Variants in ATG3 observed in about 807,000 individuals in gnomAD.
ATG3 encodes the protein ubiquitin-like-conjugating enzyme ATG3.
ATG3 carries 25 observed loss-of-function variants against 50.7 expected under a neutral mutation model. The ratio of observed to expected loss-of-function variants is 0.49; its 90% CI spans 0.36 to 0.69. ATG3 has a LOEUF of 0.69. Ranked by LOEUF, ATG3 falls within the 30% of genes least tolerant of loss-of-function variation. The pLI is 0.00. For synonymous variants in ATG3, 119 were observed against 125.5 expected (o/e 0.95, Z 0.34); for missense variants, 281 against 376.0 (o/e 0.75, Z 2.09).
intron 2 of ATG3, among the ~76,000 whole-genome samples, chr3:112,554,242 G>A (rs1411558163): frequency 6.6e-6 from 1 of 152,144 alleles, no homozygotes; most frequent in Non-Finnish European, 1.5e-5. Flanking sequence ...TATACCCTGT[G>A]ACCTGCACGT....
Position 112,536,472 on chromosome 3 carries a change from G to A in ATG3, c.794+3C>T. The A allele has an allele frequency of 6.2e-7, 1 of 1,611,048 alleles. No homozygotes were observed. Among genetic ancestry groups the A allele is most frequent in the Non-Finnish European group, 8.5e-7 (1 of 1,177,210 alleles). On this transcript the variant is annotated splice_donor_region_variant and intron_variant, in intron 10 of 11. Transcript: ENST00000283290. ...AAATATATTTATCTCTACATATACA[G>A]ACCTGCATGGGTGAACTGAACACAT...
intron 2 of ATG3, among the ~76,000 whole-genome samples, chr3:112,555,252 G>A (rs1933636503): frequency 6.6e-6 from 1 of 152,134 alleles, no homozygotes; most frequent in African/African-American, 2.4e-5. Context: ...TAATACATGT[G>A]TACATCTGCC....
In ATG3 at chr3:112,537,825, A is replaced by G. The variant is rs1010447975; in HGVS notation, c.576T>C (p.Asp192=). 1 of 1,612,760 alleles carries G rather than the reference A, an allele frequency of 6.2e-7. No individual in the cohort carries two copies. Among genetic ancestry groups the G allele is most frequent in the Non-Finnish European group, 8.5e-7 (1 of 1,179,596 alleles). The change falls in exon 9 of 12, where the codon GAT becomes GAC. Residue 192 remains aspartate (D), a synonymous_variant. Coordinates refer to ENST00000283290, the MANE Select transcript of ATG3 (RefSeq NM_022488.5). The stretch of plus-strand genomic sequence containing the variant: ...CATAAGTTCTGGTTTGCAAAATAGC[A>G]TCTTCACCGCCAGCATCAGTTTTGG... The part of the protein sequence containing the change: ...CKAKTDAGGE[D]AILQTRTYDL...
intron 4 of ATG3, among the ~76,000 whole-genome samples, chr3:112,549,070 A>G (rs768371290): frequency 6.6e-6 from 1 of 152,246 alleles, no homozygotes; most frequent in Non-Finnish European, 1.5e-5. Flanking sequence ...TTCAAGGCTA[A>G]AGTAACTTTC....
chr3:112,548,463 A>G (rs1480945060), intron 5 of ATG3, 70 bp downstream of exon 5: 1 of 1,291,202 alleles, frequency 7.7e-7, no homozygotes, highest in Non-Finnish European at 1.1e-6. Flanking sequence ...TTTTTAAATC[A>G]AGGCTATTAT....
In ATG3 at chr3:112,538,423, A is replaced by G. The variant is rs1576714924; in HGVS notation, c.476-243T>C. ...ACTGTAGAGTCCTCAGTGGCTCCAC[A>G]GTGTACACAAGCCTACTTCTGTAAC... On this transcript the variant is annotated intron_variant, in intron 7 of 11. Transcript: ENST00000283290. 1.7e-5 allele frequency: 7 copies of G among 410,384 alleles called. No individual in the cohort carries two copies. The East Asian group carries it at 3.0e-4, about 18-fold the overall frequency. 25.4% of individuals were successfully genotyped at this position (410,384 alleles called of 1,614,324 possible).
In ATG3 at chr3:112,541,311, T is replaced by C. The variant is rs538163244; in HGVS notation, c.475+492A>G. The stretch of plus-strand genomic sequence containing the variant: ...CAGAGGCAAGAGAATCACCTGAACC[T>C]GGGAGACGGCGGTTGCAGTGAGCAG... On this transcript the variant is annotated intron_variant, in intron 7 of 11. Coordinates refer to ENST00000283290, the MANE Select transcript of ATG3 (RefSeq NM_022488.5). Among the ~76,000 whole-genome samples, 23 of 151,584 alleles carry C rather than the reference T, an allele frequency of 1.5e-4. No individual in the cohort carries two copies. In the East Asian group the frequency reaches 3.5e-3, roughly 23 times the overall value.
intron 11 of ATG3, chr3:112,533,173 G>GA: frequency 1.3e-5 from 13 of 986,078 alleles, no homozygotes; most frequent in Non-Finnish European, 1.6e-5. Flanking sequence ...TAGCAAAAGA[G>GA]AAAAAAATTA....
rs1441086205 is a variant in ATG3 at position 112,561,848 on chromosome 3, C to T, written c.-320G>A. 4 of 362,622 alleles carry T rather than the reference C, an allele frequency of 1.1e-5. No individual in the cohort carries two copies. Among genetic ancestry groups the T allele is most frequent in the Non-Finnish European group, 1.5e-5 (3 of 199,418 alleles). The allele number at this position is 362,622 out of a possible 1,614,324, so 22.5% of individuals were successfully genotyped here. A position where few individuals can be genotyped will look rare whatever the true frequency, so the allele number is the denominator to read the frequency against. On this transcript the variant is annotated 5_prime_UTR_variant, in exon 1 of 12. Coordinates refer to ENST00000283290, the MANE Select transcript of ATG3 (RefSeq NM_022488.5). Reference sequence around the variant, plus strand: ...GTGAGAAGCGGACGCACACGCACCCCTCGCCCTCTGCGAGCTGTCTGTCCT... The same window carrying T: ...GTGAGAAGCGGACGCACACGCACCCTTCGCCCTCTGCGAGCTGTCTGTCCT...
In ATG3 at chr3:112,548,345, A is replaced by G. The variant is rs1196101027; in HGVS notation, c.343+188T>C. Among the ~76,000 whole-genome samples, 10 of 152,338 alleles carry G rather than the reference A, an allele frequency of 6.6e-5. No individual in the cohort carries two copies. In the South Asian group the frequency reaches 1.7e-3, roughly 25 times the overall value. The stretch of plus-strand genomic sequence containing the variant: ...GTGACAGAGCAAGACTCTTGTCTCA[A>G]AAAAAGAAATAAATTTGGCATACTC... On this transcript the variant is annotated intron_variant, in intron 5 of 11. Transcript: ENST00000283290.
intron 1 of ATG3, among the ~76,000 whole-genome samples, chr3:112,558,965 C>G (rs1013066933): frequency 1.3e-5 from 2 of 152,124 alleles, no homozygotes; most frequent in African/African-American, 4.8e-5. Context: ...TCTCGAACTC[C>G]TGACCTCAGG....
chr3:112,537,695 T>C (rs1933107821), intron 9 of ATG3, 40 bp downstream of exon 9: 1 of 1,439,500 alleles, frequency 6.9e-7, no homozygotes, highest in East Asian at 2.5e-5. Flanking sequence ...CCCAACAATT[T>C]AAAATATTGA....
rs181052221 is a variant in ATG3, at chr3:112,539,834, A to C, written c.476-1654T>G. On this transcript the variant is annotated intron_variant, in intron 7 of 11. Transcript: ENST00000283290. ...AACTCTATCTAGGGGGAATATAATA[A>C]ACATACTAAATGACTATCAGATATT... Among the ~76,000 whole-genome samples, 237 of 152,344 alleles carry C rather than the reference A, an allele frequency of 1.6e-3. 2 individuals carry two copies. The highest frequency in any genetic ancestry group is 5.3e-3 in the African/African-American group (222 of 41,584).
At chr3:112,541,312 G>A (rs558294630) in intron 7 of ATG3, among the ~76,000 whole-genome samples, 4 of 152,112 alleles carry the variant, frequency 2.6e-5, no homozygotes, top group African/African-American at 9.6e-5. Flanking sequence ...ACCTGAACCT[G>A]GGAGACGGCG....
chr3:112,532,941 A>G, intron 11 of ATG3, 161 bp from the exon 12 acceptor site: 3 of 1,294,458 alleles, frequency 2.3e-6, no homozygotes, highest in South Asian at 2.0e-5. Flanking sequence ...ATTTGTGTCT[A>G]TTTAACATGA....
At chr3:112,553,229 C>T in intron 3 of ATG3, 51 bp downstream of exon 3, 1 of 1,499,972 alleles carries the variant, frequency 6.7e-7, no homozygotes, top group Non-Finnish European at 9.3e-7. Context: ...TGCTATAATT[C>T]TGAAGCCATG....
At chr3:112,543,542 CAAAT>C (rs896598354) in intron 6 of ATG3, among the ~76,000 whole-genome samples, 8 of 152,126 alleles carry the variant, frequency 5.3e-5, no homozygotes, top group Admixed American at 3.3e-4. Context: ...TTTTCAAAAA[CAAAT>C]AAACCCCAAA....
chr3:112,534,373 A>G lies in ATG3; in HGVS notation c.795-36T>C, dbSNP rs757302701. ...AAAAAAAAAAAAATTGTTAATGTAG[A>G]TCGATTAGACCGAAAGAAGAAAAAC... is the stretch of plus-strand genomic sequence containing the variant. On this transcript the variant is annotated intron_variant, in intron 10 of 11. Transcript: ENST00000283290. 4 of 1,494,356 alleles carry G rather than the reference A, an allele frequency of 2.7e-6. No homozygotes were observed. In the South Asian group the frequency reaches 4.0e-5, roughly 15 times the overall value. The allele number at this position is 1,494,356 out of a possible 1,614,324, so 92.6% of individuals were successfully genotyped here.
At chr3:112,546,751 G>T (rs550929120) in intron 5 of ATG3, among the ~76,000 whole-genome samples, 2 of 152,340 alleles carry the variant, frequency 1.3e-5, no homozygotes, top group African/African-American at 4.8e-5. Context: ...TCAGTCAACA[G>T]AGAATTTCCT....
Sources: allele counts gnomAD v4.1 joint callset (sites outside exome capture counted in the v4.1 genomes callset), GRCh38; gene constraint gnomAD v4.1.1; transcripts MANE v1.5; gene names NCBI Gene and HGNC (gene_info 2026-07-23, HGNC 2026-07-21).